The following LRRC4C variants were observed in gnomAD, a reference collection of about 807,000 sequenced individuals.
LRRC4C encodes the protein leucine rich repeat containing 4C.
LRRC4C carries 5 observed loss-of-function variants against 33.6 expected under a neutral mutation model. The observed-to-expected ratio is 0.15, with a 90% confidence interval of 0.08 to 0.31. LRRC4C has a LOEUF of 0.31. LRRC4C is among the 10% of genes least tolerant of loss of function. The pLI, the probability that LRRC4C is intolerant of heterozygous loss-of-function variation, is 1.00. For synonymous variants in LRRC4C, 329 were observed against 302.0 expected (o/e 1.09, Z -0.93); for missense variants, 560 against 796.7 (o/e 0.70, Z 3.58).
chr11:41,363,553 A>G lies in LRRC4C; in HGVS notation c.-496+95878T>C, dbSNP rs76753968. Among the ~76,000 whole-genome samples the G allele has an allele frequency of 7.1e-3, 1,083 of 152,336 alleles. 6 individuals are homozygous for G. Among genetic ancestry groups the G allele is most frequent in the Non-Finnish European group, 0.012 (791 of 68,032 alleles). On this transcript the variant is annotated intron_variant, in intron 1 of 6. Coordinates refer to ENST00000528697, the MANE Select transcript of LRRC4C (RefSeq NM_001258419.2). The stretch of plus-strand genomic sequence containing the variant: ...TGGCTATTGTTTAGTAGCATAAATT[A>G]AATCAAGTAGATGATTTACTGTTAT...
chr11:40,926,180 T>C (rs1449927714), intron 2 of LRRC4C, among the ~76,000 whole-genome samples: 1 of 152,112 alleles, frequency 6.6e-6, no homozygotes, highest in Non-Finnish European at 1.5e-5. Context: ...TCATCACAAG[T>C]CTCCGGATGA....
At chr11:40,671,031 G>A (rs1476134276) in intron 2 of LRRC4C, among the ~76,000 whole-genome samples, 1 of 152,212 alleles carries the variant, frequency 6.6e-6, no homozygotes, top group Non-Finnish European at 1.5e-5. Flanking sequence ...CCAAGGTGCT[G>A]GGATTACAGG....
chr11:41,312,830 G>A (rs1950680384), intron 1 of LRRC4C, among the ~76,000 whole-genome samples: 1 of 152,160 alleles, frequency 6.6e-6, no homozygotes. Flanking sequence ...TAGCAATTTA[G>A]GTCTGACATG....
At chr11:41,308,156 C>T (rs1050354627) in intron 1 of LRRC4C, among the ~76,000 whole-genome samples, 3 of 152,200 alleles carry the variant, frequency 2.0e-5, no homozygotes, top group African/African-American at 7.2e-5. Flanking sequence ...TCTTGTCCCT[C>T]TTTCACCAAA....
chr11:41,202,561 T>G (rs1946441059), intron 1 of LRRC4C, among the ~76,000 whole-genome samples: 1 of 152,156 alleles, frequency 6.6e-6, no homozygotes, highest in South Asian at 2.1e-4. Context: ...TCTTTTATTC[T>G]CATTTTAGTT....
chr11:41,149,231 T>C (rs1041577515), intron 1 of LRRC4C, among the ~76,000 whole-genome samples: 6 of 151,922 alleles, frequency 3.9e-5, no homozygotes, highest in Admixed American at 2.0e-4. Flanking sequence ...TGAGGCCGGG[T>C]GCGGTGGCTC....
intron 1 of LRRC4C, among the ~76,000 whole-genome samples, chr11:41,025,857 A>C (rs536437778): frequency 6.6e-6 from 1 of 151,906 alleles, no homozygotes; most frequent in East Asian, 1.9e-4. Context: ...AAATGGAACC[A>C]CATAGTCTGG....
At chr11:41,397,484 T>A (rs892627755) in intron 1 of LRRC4C, among the ~76,000 whole-genome samples, 2 of 151,908 alleles carry the variant, frequency 1.3e-5, no homozygotes, top group African/African-American at 4.8e-5. Context: ...ATATAGTATA[T>A]AATACATATA....
intron 4 of LRRC4C, chr11:40,293,985 C>T (rs1944379182): frequency 6.5e-6 from 1 of 152,680 alleles, no homozygotes; most frequent in African/African-American, 2.4e-5. Flanking sequence ...AATGCTCTCC[C>T]AGCACCGGCG....
intron 2 of LRRC4C, among the ~76,000 whole-genome samples, chr11:40,738,924 A>T (rs1180031750): frequency 6.6e-6 from 1 of 152,122 alleles, no homozygotes; most frequent in African/African-American, 2.4e-5. Flanking sequence ...ACTTTTGGGT[A>T]CAATGTGATG....
intron 3 of LRRC4C, among the ~76,000 whole-genome samples, chr11:40,360,102 T>C (rs1947878562): frequency 6.6e-6 from 1 of 152,094 alleles, no homozygotes; most frequent in African/African-American, 2.4e-5. Flanking sequence ...GAAGAAACTA[T>C]ATGAAAAAAA....
chr11:40,286,903 C>T (rs1943880396), intron 4 of LRRC4C, among the ~76,000 whole-genome samples: 2 of 152,134 alleles, frequency 1.3e-5, no homozygotes, highest in South Asian at 4.1e-4. Context: ...TTTTTACCCA[C>T]ATATCTGCCA....
At chr11:41,019,226 T>A (rs1399219331) in intron 1 of LRRC4C, among the ~76,000 whole-genome samples, 1 of 152,118 alleles carries the variant, frequency 6.6e-6, no homozygotes, top group East Asian at 1.9e-4. Flanking sequence ...TCTGTCCATG[T>A]GTCCTCAATG....
intron 3 of LRRC4C, among the ~76,000 whole-genome samples, chr11:40,348,811 G>T (rs911704251): frequency 2.0e-5 from 3 of 152,208 alleles, no homozygotes; most frequent in Non-Finnish European, 1.5e-5. Context: ...AGTAAAGTTT[G>T]TGTGAGAAAT....
chr11:41,230,531 C>G (rs567162801), intron 1 of LRRC4C, among the ~76,000 whole-genome samples: 3 of 152,164 alleles, frequency 2.0e-5, no homozygotes, highest in Non-Finnish European at 2.9e-5. Flanking sequence ...AGATTAGCCT[C>G]TTAGGATTTT....
chr11:41,066,415 T>C (rs1590409616), intron 1 of LRRC4C, among the ~76,000 whole-genome samples: 1 of 152,092 alleles, frequency 6.6e-6, no homozygotes, highest in Admixed American at 6.6e-5. Context: ...TATGGGATTA[T>C]GTAAAAAGAC....
intron 1 of LRRC4C, among the ~76,000 whole-genome samples, chr11:41,173,568 G>A (rs150777192): frequency 6.6e-6 from 1 of 152,106 alleles, no homozygotes; most frequent in African/African-American, 2.4e-5. Flanking sequence ...TTTCCTTATT[G>A]GTCTAGGTAG....
chr11:41,169,091 A>G, intron 1 of LRRC4C, among the ~76,000 whole-genome samples: 1 of 152,176 alleles, frequency 6.6e-6, no homozygotes, highest in African/African-American at 2.4e-5. Flanking sequence ...CTATTCAAAA[A>G]CCAGATTGTC....
At chr11:40,556,864 A>G (rs1957352896) in intron 3 of LRRC4C, among the ~76,000 whole-genome samples, 1 of 152,186 alleles carries the variant, frequency 6.6e-6, no homozygotes, top group Non-Finnish European at 1.5e-5. Context: ...CTTTCATATA[A>G]TAAGATTATT....
Sources: gnomAD v4.1 joint callset for allele counts (sites outside exome capture counted in the v4.1 genomes callset) on GRCh38, gnomAD v4.1.1 for gene constraint, MANE v1.5 for transcripts, NCBI Gene and HGNC (gene_info 2026-07-23, HGNC 2026-07-21) for gene names.